CAPN7: variants seen among roughly 807,000 people sequenced by gnomAD.
CAPN7 encodes calpain-7.
In CAPN7, 72 loss-of-function variants were observed where a neutral mutation model predicts 115.2. That is an observed-to-expected ratio of 0.63 (90% CI 0.52 to 0.76). The LOEUF is 0.76. Among genes scored for constraint, CAPN7 ranks in the 30% least tolerant of loss-of-function variants. The pLI, the probability that CAPN7 is intolerant of heterozygous loss-of-function variation, is 0.00. For synonymous variants in CAPN7, 344 were observed against 322.3 expected, an observed-to-expected ratio of 1.07 and a Z score of -0.72; for missense variants, 905 against 971.5, an observed-to-expected ratio of 0.93 and a Z score of 0.91.
At position 15,249,671 on chromosome 3, in the gene CAPN7, G is replaced by A. The variant is rs751113677; in HGVS notation, c.2205-1260G>A. On this transcript the variant is annotated intron_variant, in intron 19 of 20. Transcript: ENST00000253693. ...TTTCCTTACTGATTTGGAATGCCACGTTTATAATATGCTAAGTACTTCTGT... is the reference window on the plus strand; with the variant it reads ...TTTCCTTACTGATTTGGAATGCCACATTTATAATATGCTAAGTACTTCTGT... 5.3e-5 allele frequency among the ~76,000 whole-genome samples: 8 copies of A among 151,706 alleles called. No individual in the cohort carries two copies. In the East Asian group the frequency reaches 5.8e-4, roughly 11 times the overall value.
At chr3:15,214,865 G>A (rs1016462352) in intron 2 of CAPN7, among the ~76,000 whole-genome samples, 5 of 152,180 alleles carry the variant, frequency 3.3e-5, no homozygotes, top group African/African-American at 1.2e-4. Flanking sequence ...TGCCCCCCAG[G>A]GGACATTTGG....
intron 1 of CAPN7, among the ~76,000 whole-genome samples, chr3:15,210,449 T>C (rs1371785591): frequency 6.6e-6 from 1 of 151,928 alleles, no homozygotes; most frequent in Non-Finnish European, 1.5e-5. Context: ...GTAAGATATA[T>C]TTAATGTTTA....
At chr3:15,235,697 A>G (rs1352999423) in intron 12 of CAPN7, among the ~76,000 whole-genome samples, 2 of 152,212 alleles carry the variant, frequency 1.3e-5, no homozygotes, top group Non-Finnish European at 2.9e-5. Flanking sequence ...ATCTAATGCC[A>G]CCACTGATCT....
chr3:15,206,624 G>A (rs998982987), intron 1 of CAPN7, 27 bp downstream of exon 1: 12 of 1,510,206 alleles, frequency 7.9e-6, no homozygotes, highest in African/African-American at 1.4e-5. Flanking sequence ...CGCTTCGGTC[G>A]GAGTTGCTCA....
rs184724734 is a variant in CAPN7, at chr3:15,249,881, C to T, written c.2205-1050C>T. 2.2e-3 allele frequency among the ~76,000 whole-genome samples: 330 copies of T among 151,838 alleles called. 1 individual carries two copies. Among genetic ancestry groups the T allele is most frequent in the Admixed American group, 6.8e-3 (104 of 15,276 alleles). ...CTGGGTTCAAGCGATTCTCCTGCCT[C>T]AGCCTCCCAAGTAGCTGAGGCTACA... On this transcript the variant is annotated intron_variant, in intron 19 of 20. Transcript: ENST00000253693.
intron 16 of CAPN7, among the ~76,000 whole-genome samples, chr3:15,242,533 T>C (rs1695409683): frequency 6.6e-6 from 1 of 152,212 alleles, no homozygotes; most frequent in East Asian, 1.9e-4. Flanking sequence ...TCTAATCAAA[T>C]GTATTCTGTG....
chr3:15,241,455 C>G lies in CAPN7; in HGVS notation c.1655C>G (p.Thr552Ser), dbSNP rs1270377352. The change falls in exon 15 of 21, where the codon ACT becomes AGT. Residue 552 changes from threonine to serine, a missense_variant and splice_region_variant. Physicochemically the swap from Thr to Ser is moderately conservative, Grantham distance 58. Around this residue, in one of 3 missense-constraint regions of CAPN7, gnomAD observed 620 missense variants for 703.4 expected, o/e 0.88. Transcript: ENST00000253693. ...TCTTTGTTGACTTTATCTTTTAGTACTTGGGATGCTAAGCAAGGACCTGTG... is the reference window on the plus strand; with the variant it reads ...TCTTTGTTGACTTTATCTTTTAGTAGTTGGGATGCTAAGCAAGGACCTGTG... Reference protein sequence around the residue: ...LFKESTCIHSTWDAKQGPVKD... With the variant: ...LFKESTCIHSSWDAKQGPVKD... 6.2e-7 allele frequency: 1 copy of G among 1,613,244 alleles called. No individual in the cohort carries two copies. The highest frequency in any genetic ancestry group is 8.5e-7 in the Non-Finnish European group (1 of 1,179,582).
intron 17 of CAPN7, 111 bp downstream of exon 17, chr3:15,245,782 GCT>G (rs554303783): frequency 3.7e-6 from 3 of 813,968 alleles, no homozygotes; most frequent in Non-Finnish European, 5.3e-6. Context: ...AAAATGTATT[GCT>G]CTCTTTTTTT....
At position 15,251,125 on chromosome 3, in the gene CAPN7, T is replaced by C. The variant is rs369782504; in HGVS notation, c.2307T>C (p.Phe769=). 59 of 1,606,118 alleles carry C rather than the reference T, an allele frequency of 3.7e-5. No homozygotes were observed. The highest frequency in any genetic ancestry group is 4.8e-5 in the Non-Finnish European group (56 of 1,176,438). The change falls in exon 21 of 21, where the codon TTT becomes TTC. Residue 769 remains phenylalanine (F), a synonymous_variant. Transcript: ENST00000253693. ...TTTTCTCTAAATATAGGTGTGGGTT[T>C]TGCTACCTGGAATTAGAAAATATAC... ...RKSSGDYRCG[F]CYLELENIPS...
At chr3:15,232,467 G>A in intron 9 of CAPN7, 52 bp from the exon 10 acceptor site, 1 of 1,431,728 alleles carries the variant, frequency 7.0e-7, no homozygotes, top group Non-Finnish European at 9.5e-7. Flanking sequence ...TTGATAGAAA[G>A]GATTTTAAGA....
chr3:15,241,166 C>T (rs1452976164), intron 14 of CAPN7, among the ~76,000 whole-genome samples: 4 of 152,134 alleles, frequency 2.6e-5, no homozygotes, highest in African/African-American at 9.7e-5. Context: ...GATCATGCCA[C>T]TGCACTCCAG....
intron 4 of CAPN7, among the ~76,000 whole-genome samples, chr3:15,220,353 C>T (rs1405531918): frequency 1.3e-5 from 2 of 152,230 alleles, no homozygotes; most frequent in Non-Finnish European, 2.9e-5. Context: ...GTTCAGAGCA[C>T]CCTTCTCCAA....
chr3:15,215,020 G>T (rs1017332879), intron 2 of CAPN7, among the ~76,000 whole-genome samples: 6 of 152,214 alleles, frequency 3.9e-5, no homozygotes, highest in Non-Finnish European at 7.3e-5. Flanking sequence ...ATAATGCCAG[G>T]CTGAGAAACA....
At chr3:15,212,266 G>T in intron 2 of CAPN7, 54 bp downstream of exon 2, 1 of 940,822 alleles carries the variant, frequency 1.1e-6, no homozygotes, top group Non-Finnish European at 1.6e-6. Flanking sequence ...CTCCCATCAT[G>T]TCTTTCCCCC....
At chr3:15,211,395 A>G (rs566895676) in intron 1 of CAPN7, among the ~76,000 whole-genome samples, 1 of 152,308 alleles carries the variant, frequency 6.6e-6, no homozygotes, top group African/African-American at 2.4e-5. Context: ...GCTATTCTAA[A>G]GAAGTGTTTA....
rs577264731 is a variant in CAPN7, at chr3:15,206,311, C to G, written c.-185C>G. On this transcript the variant is annotated 5_prime_UTR_variant, in exon 1 of 21. Transcript: ENST00000253693. ...TACAAGCCGGGTCTGGGCTGAGGGG[C>G]GCGGCTTCGCGGTGGACCCCAGCCC... 33 of 527,818 alleles carry G rather than the reference C, an allele frequency of 6.3e-5. No homozygotes were observed. Among genetic ancestry groups the G allele is most frequent in the Non-Finnish European group, 1.1e-4 (33 of 301,042 alleles). 32.7% of individuals were successfully genotyped at this position (527,818 alleles called of 1,614,324 possible). A position where few individuals can be genotyped will look rare whatever the true frequency, so the allele number is the denominator to read the frequency against.
chr3:15,249,773 T>C (rs530132676), intron 19 of CAPN7, among the ~76,000 whole-genome samples: 33 of 151,646 alleles, frequency 2.2e-4, no homozygotes, highest in African/African-American at 7.5e-4. Context: ...ATTTTTTTTT[T>C]CTTTTTTTTT....
Position 15,227,983 on chromosome 3 carries a change from A to G in CAPN7, c.852+18A>G, listed in dbSNP as rs777358291. 18 of 1,409,054 alleles carry G rather than the reference A, an allele frequency of 1.3e-5. No individual in the cohort carries two copies. Among genetic ancestry groups the G allele is most frequent in the South Asian group, 1.8e-5 (1 of 55,174 alleles). 87.3% of individuals were successfully genotyped at this position (1,409,054 alleles called of 1,614,324 possible). A position where few individuals can be genotyped will look rare whatever the true frequency, so the allele number is the denominator to read the frequency against. ...TAAAGCAGGTGAGCATTTATTTTGTATGATTTTATAGAAAAGTCAGCATTT... is the reference window on the plus strand; with the variant it reads ...TAAAGCAGGTGAGCATTTATTTTGTGTGATTTTATAGAAAAGTCAGCATTT... On this transcript the variant is annotated intron_variant, in intron 7 of 20. Coordinates refer to ENST00000253693, the MANE Select transcript of CAPN7 (RefSeq NM_014296.3).
intron 5 of CAPN7, among the ~76,000 whole-genome samples, chr3:15,222,222 A>C (rs144345335): frequency 9.2e-5 from 14 of 152,264 alleles, no homozygotes; most frequent in Middle Eastern, 3.4e-3. Context: ...TAAAAATGTA[A>C]AACACGGCTA....
Sources: gnomAD v4.1 joint callset for allele counts (sites outside exome capture counted in the v4.1 genomes callset) on GRCh38, gnomAD v4.1.1 for gene constraint, gnomAD v4.1.1 regional missense constraint, MANE v1.5 for transcripts, NCBI Gene and HGNC (gene_info 2026-07-23, HGNC 2026-07-21) for gene names.